Variants in RAB3C observed in about 807,000 individuals in gnomAD.
RAB3C encodes the protein RAB3C, member RAS oncogene family, also known as ras-related protein Rab-3C.
In RAB3C, 17 loss-of-function variants were observed where a neutral mutation model predicts 26.4. The observed-to-expected ratio is 0.64, with a 90% CI of 0.44 to 0.97. RAB3C has a LOEUF of 0.97. Among genes scored for constraint, RAB3C ranks in the 50% least tolerant of loss-of-function variants. RAB3C has a pLI of 0.00. For missense variants in RAB3C, 242 were observed against 281.9 expected (o/e 0.86, Z 1.01); for synonymous variants, 91 against 95.9 (o/e 0.95, Z 0.30).
At chr5:58,748,890 A>G (rs1446057256) in intron 3 of RAB3C, among the ~76,000 whole-genome samples, 1 of 152,180 alleles carries the variant, frequency 6.6e-6, no homozygotes, top group Non-Finnish European at 1.5e-5. Flanking sequence ...TAAGTATGCC[A>G]TTATTTCCAG....
At chr5:58,693,315 TAAG>T (rs1179107618) in intron 2 of RAB3C, among the ~76,000 whole-genome samples, 5 of 127,784 alleles carry the variant, frequency 3.9e-5, no homozygotes, top group African/African-American at 1.2e-4. Flanking sequence ...TAAATAAAAT[TAAG>T]AAATTATATA....
chr5:58,763,625 C>T (rs1389363165), intron 3 of RAB3C, among the ~76,000 whole-genome samples: 2 of 152,112 alleles, frequency 1.3e-5, no homozygotes, highest in Non-Finnish European at 2.9e-5. Context: ...ACCAAGTTCT[C>T]ACACATCCTA....
At chr5:58,769,902 G>A (rs965762265) in intron 3 of RAB3C, among the ~76,000 whole-genome samples, 3 of 152,196 alleles carry the variant, frequency 2.0e-5, no homozygotes, top group South Asian at 4.1e-4. Flanking sequence ...ATGCGAAAAC[G>A]TTCCTAAACC....
intron 3 of RAB3C, among the ~76,000 whole-genome samples, chr5:58,801,679 A>C (rs1255420113): frequency 6.6e-6 from 1 of 152,242 alleles, no homozygotes; most frequent in Non-Finnish European, 1.5e-5. Flanking sequence ...CTCTCTGGAG[A>C]TGTAACAAAG....
intron 1 of RAB3C, among the ~76,000 whole-genome samples, chr5:58,616,173 TC>T (rs1746821911): frequency 1.3e-5 from 2 of 152,198 alleles, no homozygotes; most frequent in South Asian, 4.1e-4. Flanking sequence ...AAATAGACTC[TC>T]TAGCCTAGCA....
chr5:58,593,593 T>A (rs939970657), intron 1 of RAB3C, among the ~76,000 whole-genome samples: 2 of 152,194 alleles, frequency 1.3e-5, no homozygotes, highest in Non-Finnish European at 2.9e-5. Context: ...CTTTTTGAAA[T>A]TTTAACAAGG....
At chr5:58,603,837 A>T (rs1746505088) in intron 1 of RAB3C, among the ~76,000 whole-genome samples, 4 of 152,048 alleles carry the variant, frequency 2.6e-5, no homozygotes, top group African/African-American at 9.7e-5. Context: ...GTTTGGATTC[A>T]TTGCTGGTGA....
intron 3 of RAB3C, among the ~76,000 whole-genome samples, chr5:58,805,544 C>T (rs758957070): frequency 6.9e-6 from 1 of 145,410 alleles, no homozygotes. Context: ...GAGATCGCGC[C>T]ACTGCACTCC....
intron 2 of RAB3C, among the ~76,000 whole-genome samples, chr5:58,714,731 A>C (rs1387391297): frequency 1.3e-5 from 2 of 152,140 alleles, no homozygotes; most frequent in East Asian, 3.9e-4. Context: ...AAATTTCTAC[A>C]TTTTCATAAT....
At chr5:58,748,630 G>A (rs115793787) in intron 3 of RAB3C, among the ~76,000 whole-genome samples, 2,678 of 152,090 alleles carry the variant, frequency 0.018, 77 homozygotes, top group African/African-American at 0.06. Flanking sequence ...ATGTACATGC[G>A]TATCTCCCTT....
chr5:58,716,570 A>G (rs1749177619), intron 2 of RAB3C, among the ~76,000 whole-genome samples: 1 of 152,070 alleles, frequency 6.6e-6, no homozygotes, highest in South Asian at 2.1e-4. Flanking sequence ...AATAAATGGC[A>G]TGATACATAT....
intron 1 of RAB3C, among the ~76,000 whole-genome samples, chr5:58,601,578 T>C (rs192711436): frequency 6.6e-6 from 1 of 152,216 alleles, no homozygotes; most frequent in Admixed American, 6.5e-5. Flanking sequence ...CTAGGAGGGT[T>C]GTATTTTTTC....
chr5:58,730,795 G>A (rs1179734371), intron 3 of RAB3C, among the ~76,000 whole-genome samples: 1 of 152,138 alleles, frequency 6.6e-6, no homozygotes, highest in Non-Finnish European at 1.5e-5. Context: ...GAAGCCAAGT[G>A]TATTAGTCTG....
At chr5:58,765,816 C>T (rs972922552) in intron 3 of RAB3C, among the ~76,000 whole-genome samples, 4 of 151,892 alleles carry the variant, frequency 2.6e-5, no homozygotes, top group African/African-American at 9.7e-5. Flanking sequence ...AATTATAATC[C>T]CCAGAGTTAC....
In RAB3C at chr5:58,668,498, C is replaced by T. The variant is rs548017364; in HGVS notation, c.252+50628C>T. 2.0e-4 allele frequency among the ~76,000 whole-genome samples: 30 copies of T among 152,154 alleles called. No individual in the cohort carries two copies. In the South Asian group the frequency reaches 5.2e-3, roughly 26 times the overall value. ...GTTCCACAAAATCATTATTAAAGCCCAACCAATGGTTTTCATGAGTCCCAC... is the reference window on the plus strand; with the variant it reads ...GTTCCACAAAATCATTATTAAAGCCTAACCAATGGTTTTCATGAGTCCCAC... On this transcript the variant is annotated intron_variant, in intron 2 of 4. Coordinates refer to ENST00000282878, the MANE Select transcript of RAB3C (RefSeq NM_138453.4).
At chr5:58,671,062 A>G (rs182478853) in intron 2 of RAB3C, among the ~76,000 whole-genome samples, 50 of 152,164 alleles carry the variant, frequency 3.3e-4, no homozygotes, top group Non-Finnish European at 6.3e-4. Context: ...GGCCAGATTG[A>G]ATTACTTACC....
At chr5:58,846,894 A>G (rs1180219311) in intron 4 of RAB3C, 2 of 151,870 alleles carry the variant, frequency 1.3e-5, no homozygotes, top group African/African-American at 4.8e-5. Flanking sequence ...AACCTTTCCA[A>G]GCTTTTATTT....
At chr5:58,702,174 A>C (rs1269113220) in intron 2 of RAB3C, among the ~76,000 whole-genome samples, 2 of 152,158 alleles carry the variant, frequency 1.3e-5, no homozygotes, top group Non-Finnish European at 2.9e-5. Flanking sequence ...AATCTTCACA[A>C]AATTTGGCAC....
chr5:58,612,018 T>A (rs374508176), intron 1 of RAB3C, among the ~76,000 whole-genome samples: 48 of 152,146 alleles, frequency 3.2e-4, no homozygotes, highest in African/African-American at 1.2e-3. Flanking sequence ...TTTTGTCAGG[T>A]TTGTTGAAGA....
Sources: gnomAD v4.1 joint callset for allele counts (sites outside exome capture counted in the v4.1 genomes callset) on GRCh38, gnomAD v4.1.1 for gene constraint, MANE v1.5 for transcripts, NCBI Gene and HGNC (gene_info 2026-07-23, HGNC 2026-07-21) for gene names.